ACTR6: variants seen among roughly 807,000 people sequenced by gnomAD.
The protein encoded by ACTR6 is actin related protein 6, also known as actin-related protein 6.
ACTR6 carries 50 observed loss-of-function variants against 52.5 expected under a neutral mutation model. The observed-to-expected ratio is 0.95, with a 90% CI of 0.76 to 1.20. ACTR6 has a LOEUF of 1.20. ACTR6 is among the 50% of genes most tolerant of loss of function. The pLI is 0.00. For synonymous variants in ACTR6, 135 were observed against 147.2 expected (o/e 0.92, Z 0.60); for missense variants, 344 against 472.4 (o/e 0.73, Z 2.52).
In ACTR6 at chr12:100,207,797, G is replaced by GTTTTCACTGAAATTGAGTTATATGACT. The variant is rs1161220977; in HGVS notation, c.379+12_379+38dup. 2 of 1,590,312 alleles carry GTTTTCACTGAAATTGAGTTATATGACT rather than the reference G, an allele frequency of 1.3e-6. No homozygotes were observed. The highest frequency in any genetic ancestry group is 3.4e-5 in the Admixed American group (2 of 59,030). ...TATTAAGAGTAAATGGTGAGTTCAAGTTTTCACTGAAATTGAGTTATATGA... is the reference window on the plus strand; with the variant it reads ...TATTAAGAGTAAATGGTGAGTTCAAGTTTTCACTGAAATTGAGTTATATGACTTTTTCACTGAAATTGAGTTATATGA... On this transcript the variant is annotated intron_variant, in intron 4 of 10. Transcript: ENST00000188312.
intron 10 of ACTR6, among the ~76,000 whole-genome samples, chr12:100,221,058 A>G (rs1429513549): frequency 6.6e-6 from 1 of 151,998 alleles, no homozygotes; most frequent in East Asian, 1.9e-4. Context: ...TACAGCTCTA[A>G]GGGCTTATAT....
intron 1 of ACTR6, among the ~76,000 whole-genome samples, chr12:100,203,376 T>A (rs1440567121): frequency 6.6e-6 from 1 of 152,116 alleles, no homozygotes; most frequent in African/African-American, 2.4e-5. Flanking sequence ...CAATCTCTGC[T>A]CACTGCAACC....
chr12:100,203,671 G>C (rs1418185354), intron 1 of ACTR6: 2 of 99,904 alleles, frequency 2.0e-5, no homozygotes, highest in African/African-American at 4.5e-5. Flanking sequence ...TTTTTTTTGA[G>C]ACGGAGTCTC....
chr12:100,207,238 T>C (rs2096115609), intron 3 of ACTR6, among the ~76,000 whole-genome samples: 1 of 151,958 alleles, frequency 6.6e-6, no homozygotes, highest in Non-Finnish European at 1.5e-5. Context: ...TTATTATTAT[T>C]ATTATTTTTT....
At chr12:100,219,742 G>GT (rs2096126621) in intron 9 of ACTR6, among the ~76,000 whole-genome samples, 1 of 152,048 alleles carries the variant, frequency 6.6e-6, no homozygotes, top group Non-Finnish European at 1.5e-5. Context: ...TGAGTGTATA[G>GT]TAAGTAGCCA....
intron 1 of ACTR6, among the ~76,000 whole-genome samples, chr12:100,201,351 C>A (rs2096109517): frequency 6.6e-6 from 1 of 152,198 alleles, no homozygotes; most frequent in Non-Finnish European, 1.5e-5. Flanking sequence ...GTCTTAGGAT[C>A]TAGAGGCTTT....
chr12:100,215,009 A>T (rs941525276), intron 8 of ACTR6, among the ~76,000 whole-genome samples: 2 of 152,176 alleles, frequency 1.3e-5, no homozygotes, highest in Non-Finnish European at 2.9e-5. Context: ...TTTATAGCTG[A>T]TACCTTGTGG....
intron 1 of ACTR6, chr12:100,204,196 C>G (rs186107792): frequency 6.6e-6 from 1 of 152,014 alleles, no homozygotes; most frequent in Admixed American, 6.5e-5. Flanking sequence ...GAGACAGGGC[C>G]TTGTTCTGTC....
chr12:100,208,337 A>G (rs1260569020), intron 4 of ACTR6, among the ~76,000 whole-genome samples: 3 of 150,342 alleles, frequency 2.0e-5, no homozygotes, highest in African/African-American at 7.4e-5. Flanking sequence ...TTGGCATGTG[A>G]TGGAGCAATC....
intron 8 of ACTR6, among the ~76,000 whole-genome samples, chr12:100,216,071 T>A (rs1389627863): frequency 2.0e-5 from 3 of 152,242 alleles, no homozygotes; most frequent in Non-Finnish European, 4.4e-5. Context: ...TGACCTAAAT[T>A]GAGAAAATCG....
chr12:100,203,645 CTTTTTTTTTTTT>C (rs1165148598), intron 1 of ACTR6: 4 of 97,930 alleles, frequency 4.1e-5, no homozygotes, highest in South Asian at 3.6e-4. Context: ...ACTTGTGAAT[CTTTTTTTTTTTT>C]TTTTTTTTTT....
intron 1 of ACTR6, among the ~76,000 whole-genome samples, chr12:100,201,895 T>C (rs2096110013): frequency 6.6e-6 from 1 of 152,042 alleles, no homozygotes; most frequent in Non-Finnish European, 1.5e-5. Context: ...AGTGCTGGTA[T>C]TAGGGGCGTG....
rs768844226 is a variant in ACTR6, at chr12:100,207,756, T to G, written c.349T>G (p.Tyr117Asp). ...ESMNEILFEEYQFQAVLRVNA... is the reference protein window; with the variant it reads ...ESMNEILFEEDQFQAVLRVNA... ...AATGAATGAAATTCTATTTGAAGAA[T>G]ACCAGTTTCAAGCAGTATTAAGAGT... Residue 117 changes from tyrosine to aspartate, a missense_variant, in exon 4 of 11, where the codon TAC becomes GAC. Transcript: ENST00000188312. 3 of 1,598,762 alleles carry G rather than the reference T, an allele frequency of 1.9e-6. No individual in the cohort carries two copies. Among genetic ancestry groups the G allele is most frequent in the Non-Finnish European group, 2.6e-6 (3 of 1,169,042 alleles).
chr12:100,201,537 C>T (rs567563047), intron 1 of ACTR6, among the ~76,000 whole-genome samples: 53 of 152,206 alleles, frequency 3.5e-4, no homozygotes, highest in Non-Finnish European at 7.1e-4. Context: ...AAATTCTTTC[C>T]TTCCTCCCTC....
intron 1 of ACTR6, among the ~76,000 whole-genome samples, chr12:100,201,931 AT>A (rs572978105): frequency 0.13 from 18,487 of 140,614 alleles, 2,755 homozygotes; most frequent in African/African-American, 0.38. Flanking sequence ...TGACAAAGCA[AT>A]TTTTTTTTTT....
rs1226300804 is a variant in ACTR6, at chr12:100,217,390, A to G, written c.751-1025A>G. ...AAGCTGAAATCTGAATAGAGAGTAGATGGCTGATTATATTAAGGGACCTAT... is the reference window on the plus strand; with the variant it reads ...AAGCTGAAATCTGAATAGAGAGTAGGTGGCTGATTATATTAAGGGACCTAT... On this transcript the variant is annotated intron_variant, in intron 8 of 10. Coordinates refer to ENST00000188312, the MANE Select transcript of ACTR6 (RefSeq NM_022496.5). 2.0e-5 allele frequency among the ~76,000 whole-genome samples: 3 copies of G among 152,214 alleles called. No individual in the cohort carries two copies. In the East Asian group the frequency reaches 5.8e-4, roughly 29 times the overall value.
At chr12:100,221,653 G>A (rs893183132) in intron 10 of ACTR6, 3 of 151,944 alleles carry the variant, frequency 2.0e-5, no homozygotes, top group African/African-American at 7.2e-5. Context: ...TTATTGGCCA[G>A]GTTTGGTGGC....
chr12:100,203,206 A>G (rs1390429443), intron 1 of ACTR6, among the ~76,000 whole-genome samples: 1 of 152,168 alleles, frequency 6.6e-6, no homozygotes, highest in Admixed American at 6.5e-5. Context: ...TTGGTTCCCA[A>G]CAGACCACAG....
At chr12:100,219,084 T>C (rs1393346997) in intron 9 of ACTR6, among the ~76,000 whole-genome samples, 1 of 150,232 alleles carries the variant, frequency 6.7e-6, no homozygotes, top group African/African-American at 2.5e-5. Context: ...AGTTTTAGGG[T>C]ACTTTACTAT....
Sources: allele counts gnomAD v4.1 joint callset (sites outside exome capture counted in the v4.1 genomes callset), GRCh38; gene constraint gnomAD v4.1.1; transcripts MANE v1.5; gene names NCBI Gene and HGNC (gene_info 2026-07-23, HGNC 2026-07-21).